The following GTPBP1 variants were observed in gnomAD, a reference collection of about 807,000 sequenced individuals.
The protein encoded by GTPBP1 is GTP binding protein 1.
In GTPBP1, 23 loss-of-function variants were observed where a neutral mutation model predicts 62.0. That is an observed-to-expected ratio of 0.37 (90% CI 0.27 to 0.53). The LOEUF is 0.53. Ranked by LOEUF, GTPBP1 falls within the 20% of genes least tolerant of loss-of-function variation. The pLI is 0.89. For synonymous variants in GTPBP1, 344 were observed against 364.4 expected, an observed-to-expected ratio of 0.94 and a Z score of 0.64; for missense variants, 640 against 917.3, an observed-to-expected ratio of 0.70 and a Z score of 3.90.
At chr22:38,723,275 A>G in intron 5 of GTPBP1, 8 of 923,718 alleles carry the variant, frequency 8.7e-6, no homozygotes, top group Admixed American at 1.7e-5. Flanking sequence ...TCCATTGACA[A>G]TGGCTGTACC....
rs531342801 is a variant in GTPBP1, at chr22:38,726,611, G to C, written c.1401+171G>C. On this transcript the variant is annotated intron_variant, in intron 8 of 11. Coordinates refer to ENST00000216044, the MANE Select transcript of GTPBP1 (RefSeq NM_004286.5). This position sits in a 1 kb window ranked among gnomAD's most constrained non-coding sequence, Gnocchi z 4.1. ...GCTCAGAGCCCAGGGACTTGCCCAA[G>C]ACACACAGCTTGTAAGTGCTAGAGC... Among the ~76,000 whole-genome samples, 67 of 152,298 alleles carry C rather than the reference G, an allele frequency of 4.4e-4. 2 individuals carry two copies. The highest frequency in any genetic ancestry group is 1.5e-3 in the African/African-American group (62 of 41,558).
At position 38,731,257 on chromosome 22, in the gene GTPBP1, T is replaced by C. The variant is rs973118471; in HGVS notation, c.*553T>C. 1.3e-4 allele frequency: 20 copies of C among 152,434 alleles called. No homozygotes were observed. The highest frequency in any genetic ancestry group is 4.8e-4 in the African/African-American group (20 of 41,396). The allele number at this position is 152,434 out of a possible 1,614,324, so 9.4% of individuals were successfully genotyped here. Reference sequence around the variant, plus strand: ...GGGTGGAGGGGCTTCTGGGATTTGGTGTCTGCTGCTGCCAGAGCAGGAACC... The same window carrying C: ...GGGTGGAGGGGCTTCTGGGATTTGGCGTCTGCTGCTGCCAGAGCAGGAACC... On this transcript the variant is annotated 3_prime_UTR_variant, in exon 12 of 12. Coordinates refer to ENST00000216044, the MANE Select transcript of GTPBP1 (RefSeq NM_004286.5).
chr22:38,741,017 C>T, downstream of GTPBP1: 1 of 1,596,328 alleles, frequency 6.3e-7, no homozygotes, highest in East Asian at 2.3e-5. Flanking sequence ...CTTTGCCACT[C>T]TGACTTCAGC....
At chr22:38,736,298 C>T (rs1303616265), downstream of GTPBP1, 2 of 1,613,908 alleles carry the variant, frequency 1.2e-6, no homozygotes, top group Non-Finnish European at 1.7e-6. Flanking sequence ...CACTCTGAAG[C>T]GGTAGATGCA....
chr22:38,742,449 C>T (rs756168243), downstream of GTPBP1: 19 of 1,613,622 alleles, frequency 1.2e-5, no homozygotes, highest in Admixed American at 5.0e-5. Context: ...CAGCTCCAGA[C>T]GTTCCAGCCG....
chr22:38,724,496 T>C (rs2092716894), intron 6 of GTPBP1, 85 bp downstream of exon 6: 1 of 788,594 alleles, frequency 1.3e-6, no homozygotes, highest in Non-Finnish European at 2.3e-6. Context: ...GGCTGTCAGT[T>C]TGGGCATAAG....
At chr22:38,734,168 C>G (rs2092781271), downstream of GTPBP1, 1 of 337,168 alleles carries the variant, frequency 3.0e-6, no homozygotes, top group South Asian at 2.1e-5. Flanking sequence ...AGGAGCAGCC[C>G]TGGGCCAGGT....
At chr22:38,741,687 G>C, downstream of GTPBP1, 1 of 940,064 alleles carries the variant, frequency 1.1e-6, no homozygotes. Flanking sequence ...CAGAGCCCTG[G>C]CTCTCAGCCT....
Position 38,716,026 on chromosome 22 carries a change from G to A in GTPBP1, c.424G>A (p.Gly142Ser). Reference protein sequence around the residue: ...ILLRERQEAGGRVRDYLVRKR... With the variant: ...ILLRERQEAGSRVRDYLVRKR... ...TCTGCGGGAACGGCAAGAAGCTGGG[G>A]GCCGCGTGCGTGATTACCTGGTCCG... Residue 142 changes from glycine (G) to serine (S), a missense_variant, in exon 3 of 12, where the codon GGC becomes AGC. Gly to Ser is a moderately conservative substitution (Grantham distance 56, BLOSUM62 0). Around this residue, in one of 4 missense-constraint regions of GTPBP1, gnomAD observed 215 missense variants for 235.1 expected, o/e 0.91. Coordinates refer to ENST00000216044, the MANE Select transcript of GTPBP1 (RefSeq NM_004286.5). The surrounding 1 kb of genome is among the most constrained non-coding windows in gnomAD (Gnocchi z 5.2). The A allele has an allele frequency of 6.2e-7, 1 of 1,613,966 alleles. No individual in the cohort carries two copies. The highest frequency in any genetic ancestry group is 8.5e-7 in the Non-Finnish European group (1 of 1,179,888).
chr22:38,739,964 GT>G, downstream of GTPBP1: 11 of 1,604,780 alleles, frequency 6.9e-6, no homozygotes, highest in Non-Finnish European at 9.3e-6. This position sits in a 1 kb window ranked among gnomAD's most constrained non-coding sequence, Gnocchi z 6.7. Flanking sequence ...CCAAAGGGGT[GT>G]CACCCTGGGG....
downstream of GTPBP1, chr22:38,742,244 T>C: frequency 6.5e-7 from 1 of 1,529,198 alleles, no homozygotes; most frequent in Non-Finnish European, 8.8e-7. Context: ...GCTGGGCACC[T>C]TCACGCTTTC....
Position 38,706,025 on chromosome 22 carries a change from A to T in GTPBP1, c.70A>T (p.Ser24Cys). 1 of 1,418,942 alleles carries T rather than the reference A, an allele frequency of 7.0e-7. No individual in the cohort carries two copies. Among genetic ancestry groups the T allele is most frequent in the East Asian group, 3.0e-5 (1 of 33,144 alleles). 87.9% of individuals were successfully genotyped at this position (1,418,942 alleles called of 1,614,324 possible). ...GGCCTCTATGTTCGCCCCCGAGCCC[A>T]GCTCCCCGGGGGCGGCCAGGGCCGC... ...VPASMFAPEPSSPGAARAAAA... is the reference protein window; with the variant it reads ...VPASMFAPEPCSPGAARAAAA... Residue 24 changes from serine (S) to cysteine (C), a missense_variant, in exon 1 of 12, where the codon AGC (serine) becomes TGC (cysteine). This residue lies in a region of GTPBP1 where 215 missense variants were observed against 235.1 expected (regional missense o/e 0.91). Transcript: ENST00000216044.
downstream of GTPBP1, among the ~76,000 whole-genome samples, chr22:38,741,762 G>A (rs1452824952): frequency 1.3e-5 from 2 of 152,216 alleles, no homozygotes; most frequent in Admixed American, 1.3e-4. Flanking sequence ...CAGGTACCAT[G>A]CTGGGGCTTT....
chr22:38,729,863 C>T (rs1408104009), intron 11 of GTPBP1, among the ~76,000 whole-genome samples: 1 of 152,188 alleles, frequency 6.6e-6, no homozygotes, highest in East Asian at 1.9e-4. Flanking sequence ...GAATACAGCC[C>T]ACCTGAAACC....
chr22:38,729,966 T>A (rs2092748220), intron 11 of GTPBP1, among the ~76,000 whole-genome samples: 1 of 152,230 alleles, frequency 6.6e-6, no homozygotes, highest in Non-Finnish European at 1.5e-5. Context: ...GATTAAGTAT[T>A]GCAAGTATTG....
At chr22:38,724,265 C>T in intron 5 of GTPBP1, 32 bp from the exon 6 acceptor site, 1 of 1,258,044 alleles carries the variant, frequency 7.9e-7, no homozygotes, top group Non-Finnish European at 1.2e-6. Context: ...AAGGCTGTGT[C>T]CCCCTAATTC....
downstream of GTPBP1, chr22:38,741,373 G>T: frequency 9.8e-7 from 1 of 1,023,094 alleles, no homozygotes; most frequent in Non-Finnish European, 1.5e-6. Context: ...TCAGAGGAGG[G>T]CACTCCCCTC....
Position 38,729,586 on chromosome 22 carries a change from G to A in GTPBP1, c.1841G>A (p.Gly614Glu), listed in dbSNP as rs757132648. 4 of 1,581,154 alleles carry A rather than the reference G, an allele frequency of 2.5e-6. No individual in the cohort carries two copies. The highest frequency in any genetic ancestry group is 1.8e-5 in the Admixed American group (1 of 54,536). The change falls in exon 11 of 12, where the codon GGA (glycine) becomes GAA (glutamate). Residue 614 changes from glycine (G) to glutamate (E), a missense_variant. Physicochemically the swap from Gly to Glu is moderately conservative, Grantham distance 98. Around this residue, in one of 4 missense-constraint regions of GTPBP1, gnomAD observed 117 missense variants for 107.1 expected, o/e 1.09. Transcript: ENST00000216044. The part of the protein sequence containing the change: ...EGGPSGGPAV[G>E]APPPGDEASS... ...GGCCCGTCTGGTGGGCCAGCAGTAGGAGCACCCCCACCTGGAGATGAAGCC... is the reference window on the plus strand; with the variant it reads ...GGCCCGTCTGGTGGGCCAGCAGTAGAAGCACCCCCACCTGGAGATGAAGCC...
intron 4 of GTPBP1, among the ~76,000 whole-genome samples, chr22:38,718,579 C>T (rs1313940161): frequency 2.6e-5 from 4 of 152,178 alleles, no homozygotes; most frequent in South Asian, 2.1e-4. Flanking sequence ...AGGAAGACGT[C>T]GGGAAGACTG....
Sources: gnomAD v4.1 joint callset for allele counts (sites outside exome capture counted in the v4.1 genomes callset) on GRCh38, gnomAD v4.1.1 for gene constraint, gnomAD v4.1.1 regional missense constraint, Gnocchi (gnomAD v3.1) non-coding constraint, MANE v1.5 for transcripts, NCBI Gene and HGNC (gene_info 2026-07-23, HGNC 2026-07-21) for gene names.